The following AXDND1 variants were observed in gnomAD, a reference collection of about 807,000 sequenced individuals.
AXDND1 encodes axonemal dynein light chain domain-containing protein 1.
AXDND1 carries 110 observed loss-of-function variants against 137.5 expected under a neutral mutation model. That is an observed-to-expected ratio of 0.80 (90% CI 0.69 to 0.94). The LOEUF (loss-of-function observed/expected upper bound fraction) is 0.94. Among genes scored for constraint, AXDND1 ranks in the 40% least tolerant of loss-of-function variants. The pLI, the probability that AXDND1 is intolerant of heterozygous loss-of-function variation, is 0.00. For missense variants in AXDND1, 1,191 were observed against 1,169.8 expected (o/e 1.02, Z -0.26); for synonymous variants, 414 against 399.7 (o/e 1.04, Z -0.43).
At chr1:179,405,798 G>A (rs1652869360) in intron 11 of AXDND1, among the ~76,000 whole-genome samples, 2 of 151,040 alleles carry the variant, frequency 1.3e-5, no homozygotes, top group Non-Finnish European at 3.0e-5. Context: ...TATTGATTTT[G>A]TTTATTTTTT....
At chr1:179,414,992 C>T (rs1654476901) in intron 12 of AXDND1, among the ~76,000 whole-genome samples, 1 of 152,084 alleles carries the variant, frequency 6.6e-6, no homozygotes, top group Non-Finnish European at 1.5e-5. Flanking sequence ...AATAGACTCA[C>T]CTATATATGG....
rs114321950 is a variant in AXDND1, at chr1:179,466,805, A to G, written c.1799-1638A>G. 5.6e-3 allele frequency among the ~76,000 whole-genome samples: 854 copies of G among 152,282 alleles called. 7 individuals are homozygous for G. The highest frequency in any genetic ancestry group is 0.02 in the African/African-American group (819 of 41,546). ...ATAATTTGAGACTCTGGATGATACT[A>G]TATTACATAAGAAGGATTTTACTTT... is the stretch of plus-strand genomic sequence containing the variant. On this transcript the variant is annotated intron_variant, in intron 16 of 25. Transcript: ENST00000367618.
chr1:179,468,835 A>G (rs77241821), intron 17 of AXDND1, 194 bp downstream of exon 17: 5,454 of 387,566 alleles, frequency 0.014, 284 homozygotes, highest in African/African-American at 0.1. Flanking sequence ...CACTTTAGCT[A>G]TCATTCTGCA....
At chr1:179,548,431 T>C (rs1316619420) in intron 25 of AXDND1, among the ~76,000 whole-genome samples, 1 of 152,160 alleles carries the variant, frequency 6.6e-6, no homozygotes, top group Non-Finnish European at 1.5e-5. Flanking sequence ...GAATCAAATC[T>C]AATATGTCTG....
intron 16 of AXDND1, 72 bp downstream of exon 16, chr1:179,445,276 G>A: frequency 9.4e-7 from 1 of 1,062,332 alleles, no homozygotes; most frequent in Admixed American, 3.2e-5. Flanking sequence ...TCAATACAAT[G>A]AATATTTAAA....
rs1558114934 is a variant in AXDND1 at position 179,393,980 on chromosome 1, T to C, written c.941T>C (p.Val314Ala). Residue 314 changes from valine (V) to alanine (A), a missense_variant, in exon 10 of 26, where the codon GTG (valine) becomes GCG (alanine). Coordinates refer to ENST00000367618, the MANE Select transcript of AXDND1 (RefSeq NM_144696.6). ...DFYKDLVTQRVMDQRILEELY... is the reference protein window; with the variant it reads ...DFYKDLVTQRAMDQRILEELY... ...TACAAAGACTTGGTAACTCAGCGAG[T>C]GATGGACCAGCGCATTTTAGAAGAA... is the stretch of plus-strand genomic sequence containing the variant. 10 of 1,611,576 alleles carry C rather than the reference T, an allele frequency of 6.2e-6. No homozygotes were observed. The highest frequency in any genetic ancestry group is 1.3e-5 in the African/African-American group (1 of 74,846).
intron 22 of AXDND1, among the ~76,000 whole-genome samples, chr1:179,526,301 C>T (rs1311729070): frequency 1.3e-5 from 2 of 152,096 alleles, no homozygotes; most frequent in African/African-American, 2.4e-5. Flanking sequence ...AATTGAGTGC[C>T]TATCATGAGT....
chr1:179,473,363 TG>T (rs1664200443), intron 17 of AXDND1, among the ~76,000 whole-genome samples: 1 of 151,976 alleles, frequency 6.6e-6, no homozygotes, highest in Non-Finnish European at 1.5e-5. Context: ...CTGGGTGTGG[TG>T]GTGGGTGCCT....
At chr1:179,480,923 TTTTATTTA>T (rs139572314) in intron 17 of AXDND1, among the ~76,000 whole-genome samples, 9 of 150,184 alleles carry the variant, frequency 6.0e-5, no homozygotes, top group Middle Eastern at 3.4e-3. Context: ...TTGTTTTTGC[TTTTATTTA>T]TTTATTTATT....
chr1:179,513,275 G>C (rs1280771361), intron 21 of AXDND1, among the ~76,000 whole-genome samples: 4 of 152,120 alleles, frequency 2.6e-5, no homozygotes, highest in Admixed American at 6.5e-5. Context: ...AATCATAAAG[G>C]GATGCTGGAT....
chr1:179,529,920 G>A (rs1029943525), intron 23 of AXDND1, among the ~76,000 whole-genome samples: 6 of 152,164 alleles, frequency 3.9e-5, no homozygotes, highest in African/African-American at 1.4e-4. Context: ...TGCCTTGGGA[G>A]ACATCAGAGA....
intron 11 of AXDND1, 123 bp from the exon 12 acceptor site, chr1:179,411,023 A>G (rs1302777004): frequency 2.8e-6 from 2 of 708,006 alleles, no homozygotes. Flanking sequence ...TACCATAATT[A>G]CCTTATGATG....
At chr1:179,425,056 T>TG (rs748975637) in intron 12 of AXDND1, among the ~76,000 whole-genome samples, 34 of 152,342 alleles carry the variant, frequency 2.2e-4, no homozygotes, top group Non-Finnish European at 4.1e-4. Flanking sequence ...TTTGTCCATT[T>TG]GGGGAGATCA....
intron 25 of AXDND1, among the ~76,000 whole-genome samples, chr1:179,538,109 GTCTA>G (rs1671742703): frequency 6.6e-6 from 1 of 152,062 alleles, no homozygotes; most frequent in Non-Finnish European, 1.5e-5. Context: ...CTTGCTAGCG[GTCTA>G]TCTATTTTGT....
chr1:179,463,592 T>C (rs1178927899), intron 16 of AXDND1, among the ~76,000 whole-genome samples: 1 of 152,230 alleles, frequency 6.6e-6, no homozygotes, highest in African/African-American at 2.4e-5. Context: ...GAATGTATAT[T>C]CTGTTGATTT....
chr1:179,461,137 C>T (rs141727945), intron 16 of AXDND1, among the ~76,000 whole-genome samples: 9,559 of 152,144 alleles, frequency 0.063, 358 homozygotes, highest in African/African-American at 0.071. Flanking sequence ...ATGCCTATGT[C>T]CTGAATGGTA....
rs191109557 is a variant in AXDND1 at position 179,431,563 on chromosome 1, T to G, written c.1488-704T>G. ...CCTGGACTAGATGATTTCTAAGGTT[T>G]TTTTTTTTTTTTAAATTTTAAGATG... On this transcript the variant is annotated intron_variant, in intron 14 of 25. Coordinates refer to ENST00000367618, the MANE Select transcript of AXDND1 (RefSeq NM_144696.6). Among the ~76,000 whole-genome samples the G allele has an allele frequency of 7.8e-4, 118 of 152,082 alleles. No homozygotes were observed. In the East Asian group the frequency reaches 0.02, roughly 26 times the overall value.
At chr1:179,393,436 C>A (rs2125134765) in intron 9 of AXDND1, among the ~76,000 whole-genome samples, 1 of 151,780 alleles carries the variant, frequency 6.6e-6, no homozygotes. Context: ...TTTAGTATTT[C>A]TTTGGCTATG....
chr1:179,471,513 A>G (rs1002132252), intron 17 of AXDND1, among the ~76,000 whole-genome samples: 1 of 152,192 alleles, frequency 6.6e-6, no homozygotes, highest in African/African-American at 2.4e-5. Flanking sequence ...GTATTCCCTT[A>G]TAATCCTTTT....
Sources: allele counts gnomAD v4.1 joint callset (sites outside exome capture counted in the v4.1 genomes callset), GRCh38; gene constraint gnomAD v4.1.1; transcripts MANE v1.5; gene names NCBI Gene and HGNC (gene_info 2026-07-23, HGNC 2026-07-21).